NXPH1: variants seen among roughly 807,000 people sequenced by gnomAD.
NXPH1 encodes neurexophilin-1.
A neutral mutation model predicts 23.7 loss-of-function variants in NXPH1; 5 were observed. The ratio of observed to expected loss-of-function variants is 0.21; its 90% confidence interval spans 0.11 to 0.44. NXPH1 has a LOEUF of 0.44. NXPH1 is among the 20% of genes least tolerant of loss of function. The pLI is 0.99. For synonymous variants in NXPH1, 144 were observed against 122.2 expected, an observed-to-expected ratio of 1.18 and a Z score of -1.18; for missense variants, 324 against 321.6, an observed-to-expected ratio of 1.01 and a Z score of -0.06.
At chr7:8,664,296 C>G (rs1234135478) in intron 2 of NXPH1, among the ~76,000 whole-genome samples, 1 of 152,060 alleles carries the variant, frequency 6.6e-6, no homozygotes, top group Non-Finnish European at 1.5e-5. Context: ...CATGTGCACT[C>G]TTCTTTCCCT....
intron 2 of NXPH1, among the ~76,000 whole-genome samples, chr7:8,584,462 T>G (rs536310222): frequency 6.6e-6 from 1 of 152,256 alleles, no homozygotes; most frequent in South Asian, 2.1e-4. Context: ...TATAAGCTAT[T>G]TAGGTTTCAT....
intron 2 of NXPH1, among the ~76,000 whole-genome samples, chr7:8,444,508 C>G (rs1023708464): frequency 6.6e-6 from 1 of 152,232 alleles, no homozygotes; most frequent in African/African-American, 2.4e-5. Flanking sequence ...CATTTCTCCT[C>G]TCTTCCGCAG....
intron 2 of NXPH1, among the ~76,000 whole-genome samples, chr7:8,618,272 T>A (rs561545328): frequency 2.9e-4 from 44 of 152,270 alleles, no homozygotes; most frequent in Middle Eastern, 6.8e-3. Context: ...CAACATTTAA[T>A]TTGATATTTT....
chr7:8,589,996 C>T lies in NXPH1; in HGVS notation c.54+154229C>T, dbSNP rs116822692. On this transcript the variant is annotated intron_variant, in intron 2 of 2. Transcript: ENST00000405863. ...GTTAGGGGTTCAAAGTCAGTGCAGG[C>T]ATAGAACATTTCCCTCATGGCAGAA... Among the ~76,000 whole-genome samples, 544 of 152,228 alleles carry T rather than the reference C, an allele frequency of 3.6e-3. 6 individuals carry two copies. Among genetic ancestry groups the T allele is most frequent in the African/African-American group, 0.013 (530 of 41,552 alleles).
intron 2 of NXPH1, among the ~76,000 whole-genome samples, chr7:8,697,471 T>G (rs904996645): frequency 2.6e-5 from 4 of 152,098 alleles, no homozygotes; most frequent in Non-Finnish European, 5.9e-5. Context: ...AGTGGTATAT[T>G]TTAGAAGTAG....
chr7:8,611,198 A>G (rs960381120), intron 2 of NXPH1, among the ~76,000 whole-genome samples: 2 of 152,118 alleles, frequency 1.3e-5, no homozygotes, highest in African/African-American at 4.8e-5. Context: ...TGATCAAATC[A>G]AAGTACTTAG....
At chr7:8,655,617 A>C (rs1454130333) in intron 2 of NXPH1, among the ~76,000 whole-genome samples, 1 of 151,744 alleles carries the variant, frequency 6.6e-6, no homozygotes, top group African/African-American at 2.4e-5. Flanking sequence ...TGTGATGGTC[A>C]TATCTCATAT....
chr7:8,474,594 C>G (rs1381916326), intron 2 of NXPH1, among the ~76,000 whole-genome samples: 1 of 152,146 alleles, frequency 6.6e-6, no homozygotes, highest in Non-Finnish European at 1.5e-5. Context: ...GCTCTGCAAA[C>G]TACTTCGAAA....
chr7:8,691,309 C>T (rs1303567555), intron 2 of NXPH1, among the ~76,000 whole-genome samples: 7 of 151,978 alleles, frequency 4.6e-5, no homozygotes, highest in African/African-American at 1.7e-4. Context: ...CCAGCACGTC[C>T]AGCTAATTTT....
At chr7:8,673,567 G>C (rs1583224795) in intron 2 of NXPH1, among the ~76,000 whole-genome samples, 1 of 152,088 alleles carries the variant, frequency 6.6e-6, no homozygotes, top group Admixed American at 6.6e-5. Flanking sequence ...TTAGTTACTA[G>C]CTGTATTATC....
intron 2 of NXPH1, among the ~76,000 whole-genome samples, chr7:8,565,942 A>T (rs1033481533): frequency 6.6e-6 from 1 of 151,820 alleles, no homozygotes; most frequent in Non-Finnish European, 1.5e-5. Flanking sequence ...TCCTTGAGTT[A>T]AGAATGGAGG....
At chr7:8,664,035 A>G (rs1279214413) in intron 2 of NXPH1, among the ~76,000 whole-genome samples, 2 of 151,968 alleles carry the variant, frequency 1.3e-5, no homozygotes, top group African/African-American at 4.8e-5. Flanking sequence ...GAGAAAGAGA[A>G]GTCTTGTTAC....
At chr7:8,568,503 T>C (rs1818587388) in intron 2 of NXPH1, among the ~76,000 whole-genome samples, 1 of 151,842 alleles carries the variant, frequency 6.6e-6, no homozygotes, top group Non-Finnish European at 1.5e-5. Context: ...GACCATTTTT[T>C]GTTTCTTTTC....
intron 2 of NXPH1, among the ~76,000 whole-genome samples, chr7:8,655,408 C>G (rs374788470): frequency 2.6e-4 from 3 of 11,504 alleles, no homozygotes; most frequent in East Asian, 0.5. Flanking sequence ...CTTTCTCTCT[C>G]TCTCTCTCTC....
At chr7:8,571,187 A>G in intron 2 of NXPH1, among the ~76,000 whole-genome samples, 1 of 151,862 alleles carries the variant, frequency 6.6e-6, no homozygotes, top group East Asian at 1.9e-4. Context: ...TTGAAATTTG[A>G]AAAACACTGG....
rs548422614 is a variant in NXPH1, at chr7:8,587,820, C to T, written c.54+152053C>T. The stretch of plus-strand genomic sequence containing the variant: ...TCCCTGCAAAGGACATGAACTCATC[C>T]TTTTTTATGGCTGTGTGGTATTCCA... On this transcript the variant is annotated intron_variant, in intron 2 of 2. Coordinates refer to ENST00000405863, the MANE Select transcript of NXPH1 (RefSeq NM_152745.3). 2.6e-5 allele frequency among the ~76,000 whole-genome samples: 4 copies of T among 152,176 alleles called. No homozygotes were observed. The South Asian group carries it at 6.2e-4, about 24-fold the overall frequency.
intron 2 of NXPH1, among the ~76,000 whole-genome samples, chr7:8,489,180 C>G (rs535367986): frequency 1.7e-4 from 26 of 152,188 alleles, no homozygotes; most frequent in Admixed American, 3.3e-4. Context: ...TCTGTCCCCA[C>G]GTGCTGGGGA....
intron 2 of NXPH1, among the ~76,000 whole-genome samples, chr7:8,644,017 T>C (rs1820357633): frequency 6.6e-6 from 1 of 152,172 alleles, no homozygotes; most frequent in Non-Finnish European, 1.5e-5. Flanking sequence ...AGGCTGAAAA[T>C]CTTTGCTCTT....
At chr7:8,715,219 C>A (rs952942726) in intron 2 of NXPH1, among the ~76,000 whole-genome samples, 11 of 152,124 alleles carry the variant, frequency 7.2e-5, no homozygotes, top group African/African-American at 2.7e-4. Flanking sequence ...CACTGTGTTC[C>A]AATGCAAAGT....
Sources: allele counts gnomAD v4.1 joint callset (sites outside exome capture counted in the v4.1 genomes callset), GRCh38; gene constraint gnomAD v4.1.1; transcripts MANE v1.5; gene names NCBI Gene and HGNC (gene_info 2026-07-23, HGNC 2026-07-21).